KLF13: variants seen among roughly 807,000 people sequenced by gnomAD.
The protein encoded by KLF13 is Krueppel-like factor 13.
KLF13 carries 8 observed loss-of-function variants against 16.7 expected under a neutral mutation model. That is an observed-to-expected ratio of 0.48 (90% CI 0.28 to 0.87). The LOEUF is 0.87. Among genes scored for constraint, KLF13 ranks in the 40% least tolerant of loss-of-function variants. The pLI, the probability that KLF13 is intolerant of heterozygous loss-of-function variation, is 0.10. For synonymous variants in KLF13, 245 were observed against 208.4 expected, an observed-to-expected ratio of 1.18 and a Z score of -1.51; for missense variants, 447 against 452.2, an observed-to-expected ratio of 0.99 and a Z score of 0.10.
chr15:31,409,407 G>T (rs2040165208), downstream of KLF13, among the ~76,000 whole-genome samples: 1 of 151,918 alleles, frequency 6.6e-6, no homozygotes, highest in Non-Finnish European at 1.5e-5. Flanking sequence ...AGAGAATAAG[G>T]GGAAGAAATA....
intron 2 of KLF13, among the ~76,000 whole-genome samples, chr15:31,397,246 C>CGGGCAGGGCA (rs370894520): frequency 1.4e-3 from 4 of 2,908 alleles, no homozygotes; most frequent in Non-Finnish European, 2.2e-3. Context: ...TGGGGTGGGG[C>CGGGCAGGGCA]GGGCAGGGCA....
chr15:31,401,086 C>T (rs1566837467), intron 2 of KLF13, among the ~76,000 whole-genome samples: 1 of 152,122 alleles, frequency 6.6e-6, no homozygotes, highest in African/African-American at 2.4e-5. Context: ...TCACTGCAAC[C>T]TCTGCCTCCC....
Position 31,375,789 on chromosome 15 carries a change from A to T in KLF13, c.*3490A>T, listed in dbSNP as rs2039633677. On this transcript the variant is annotated 3_prime_UTR_variant, in exon 2 of 2. Transcript: ENST00000307145. ...CCTGTCCTGCAGGATGCTGCATAGGAATGGGCAGAGATGTCCTGGATGGGA... is the reference window on the plus strand; with the variant it reads ...CCTGTCCTGCAGGATGCTGCATAGGTATGGGCAGAGATGTCCTGGATGGGA... The T allele has an allele frequency of 6.6e-6, 1 of 152,100 alleles. No homozygotes were observed. Among genetic ancestry groups the T allele is most frequent in the Admixed American group, 6.6e-5 (1 of 15,266 alleles). 9.4% of individuals were successfully genotyped at this position (152,100 alleles called of 1,614,324 possible).
chr15:31,421,137 TTGTGA>T (rs1454556449), intron 1 of KLF13, among the ~76,000 whole-genome samples: 1 of 151,794 alleles, frequency 6.6e-6, no homozygotes, highest in Admixed American at 6.6e-5. Flanking sequence ...GGTTGAGCCA[TTGTGA>T]TGTATATTAA....
In KLF13 at chr15:31,423,165, G is replaced by C. The variant is rs374116407; in HGVS notation, n.118-12205G>C. ...TATACGTATATATACGTATATATAT[G>C]TATATATATACATATATACGTATAT... is the stretch of plus-strand genomic sequence containing the variant. On this transcript the variant is annotated intron_variant and non_coding_transcript_variant, in intron 1 of 1. Coordinates refer to the KLF13 transcript ENST00000558225. Among the ~76,000 whole-genome samples, 16 of 104,420 alleles carry C rather than the reference G, an allele frequency of 1.5e-4. 1 individual carries two copies. The East Asian group carries it at 2.9e-3, about 19-fold the overall frequency. 68.5% of individuals were successfully genotyped at this position (104,420 alleles called of 152,430 possible).
In KLF13 at chr15:31,332,050, C is replaced by CT. The variant is rs756924023; in HGVS notation, c.577+4269dup. Among the ~76,000 whole-genome samples, 59 of 151,860 alleles carry CT rather than the reference C, an allele frequency of 3.9e-4. 2 individuals carry two copies. The highest frequency in any genetic ancestry group is 3.4e-3 in the Middle Eastern group (1 of 294). On this transcript the variant is annotated intron_variant, in intron 1 of 1. Coordinates refer to ENST00000307145, the MANE Select transcript of KLF13 (RefSeq NM_015995.4). Reference sequence around the variant, plus strand: ...CTTATGGAAAGGACAGCTACATTGCCTTTTTTTTGTTTTTTCTGCTATTAC... The same window carrying CT: ...CTTATGGAAAGGACAGCTACATTGCCTTTTTTTTTGTTTTTTCTGCTATTAC...
At chr15:31,335,186 G>C (rs1414067990) in intron 1 of KLF13, among the ~76,000 whole-genome samples, 1 of 152,160 alleles carries the variant, frequency 6.6e-6, no homozygotes. Flanking sequence ...TTCTAGTTCA[G>C]TTTTAGATCT....
chr15:31,367,048 G>A (rs985812762), intron 1 of KLF13, among the ~76,000 whole-genome samples: 3 of 152,170 alleles, frequency 2.0e-5, no homozygotes, highest in Non-Finnish European at 2.9e-5. Context: ...AGTGGCTCCC[G>A]CCCACATACA....
At chr15:31,410,704 GT>G (rs1395431335) in intron 1 of KLF13, among the ~76,000 whole-genome samples, 1 of 152,000 alleles carries the variant, frequency 6.6e-6, no homozygotes, top group Non-Finnish European at 1.5e-5. Flanking sequence ...TAATGAGTCA[GT>G]TTTCCAAAAA....
chr15:31,342,235 G>A (rs2039037109), intron 1 of KLF13, among the ~76,000 whole-genome samples: 1 of 152,174 alleles, frequency 6.6e-6, no homozygotes, highest in African/African-American at 2.4e-5. Flanking sequence ...AGGAGAGATT[G>A]TGCCTGCAGG....
At chr15:31,405,893 A>G (rs1022081128), downstream of KLF13, among the ~76,000 whole-genome samples, 3 of 152,254 alleles carry the variant, frequency 2.0e-5, no homozygotes, top group Non-Finnish European at 1.5e-5. Flanking sequence ...TTGTCCCTGG[A>G]AGAAATAGAT....
intron 1 of KLF13, among the ~76,000 whole-genome samples, chr15:31,362,855 T>C (rs1206611640): frequency 6.6e-6 from 1 of 152,232 alleles, no homozygotes; most frequent in East Asian, 1.9e-4. Flanking sequence ...CTTGGAGATC[T>C]TTCCATATCA....
At chr15:31,405,667 T>G (rs2040118835), downstream of KLF13, among the ~76,000 whole-genome samples, 1 of 152,114 alleles carries the variant, frequency 6.6e-6, no homozygotes, top group Non-Finnish European at 1.5e-5. Flanking sequence ...TACCCTCTGG[T>G]GAGGGCTGCC....
At chr15:31,368,079 C>G (rs2039504163) in intron 1 of KLF13, among the ~76,000 whole-genome samples, 1 of 151,744 alleles carries the variant, frequency 6.6e-6, no homozygotes, top group Non-Finnish European at 1.5e-5. Context: ...CTCCATGCTC[C>G]ACACTTGGGA....
At chr15:31,383,872 A>C (rs1410220980) in intron 1 of KLF13, among the ~76,000 whole-genome samples, 1 of 152,202 alleles carries the variant, frequency 6.6e-6, no homozygotes, top group Non-Finnish European at 1.5e-5. Flanking sequence ...ACTGCACTCC[A>C]GCCTGGGCAA....
chr15:31,345,060 G>A (rs2140942445), intron 1 of KLF13, among the ~76,000 whole-genome samples: 1 of 152,324 alleles, frequency 6.6e-6, no homozygotes, highest in South Asian at 2.1e-4. Context: ...CCTTCTGAGG[G>A]TGCCACCCTG....
chr15:31,390,453 T>G (rs989225688), upstream of KLF13, among the ~76,000 whole-genome samples: 1 of 152,248 alleles, frequency 6.6e-6, no homozygotes, highest in Non-Finnish European at 1.5e-5. Context: ...GCCAATCATC[T>G]TCTTACAACC....
At chr15:31,356,282 G>A (rs1265334726) in intron 1 of KLF13, among the ~76,000 whole-genome samples, 3 of 152,078 alleles carry the variant, frequency 2.0e-5, no homozygotes, top group African/African-American at 7.2e-5. Flanking sequence ...GGCCGGGCGC[G>A]GTGGCTCACA....
At chr15:31,365,102 G>A (rs2039445175) in intron 1 of KLF13, among the ~76,000 whole-genome samples, 1 of 152,204 alleles carries the variant, frequency 6.6e-6, no homozygotes, top group Non-Finnish European at 1.5e-5. Context: ...CCCCAAACCA[G>A]TGCCCACAGG....
Sources: allele counts gnomAD v4.1 joint callset (sites outside exome capture counted in the v4.1 genomes callset), GRCh38; gene constraint gnomAD v4.1.1; transcripts MANE v1.5; gene names NCBI Gene and HGNC (gene_info 2026-07-23, HGNC 2026-07-21).